Variants in CACNA2D2 observed in about 807,000 individuals in gnomAD.
CACNA2D2 encodes the protein calcium voltage-gated channel auxiliary subunit alpha2delta 2.
In CACNA2D2, 48 loss-of-function variants were observed where a neutral mutation model predicts 166.4. That is an observed-to-expected ratio of 0.29 (90% CI 0.23 to 0.37). The LOEUF is 0.37. Among genes scored for constraint, CACNA2D2 ranks in the 10% least tolerant of loss-of-function variants. The pLI is 1.00. For missense variants in CACNA2D2, 1,122 were observed against 1,433.0 expected, an observed-to-expected ratio of 0.78 and a Z score of 3.50; for synonymous variants, 561 against 573.7, an observed-to-expected ratio of 0.98 and a Z score of 0.32.
At chr3:50,476,638 G>A (rs1303371171) in intron 1 of CACNA2D2, among the ~76,000 whole-genome samples, 2 of 152,242 alleles carry the variant, frequency 1.3e-5, no homozygotes, top group Non-Finnish European at 2.9e-5. Context: ...GGGGCCTAGA[G>A]AAGGGGACGG....
In CACNA2D2 at chr3:50,366,947, T is replaced by A. The variant is rs753533293; in HGVS notation, c.2501-28A>T. ...TTGGGGGAGAGCAAGGGACCATCAG[T>A]GCTACCTGCCCAGGCAGTACCCTGT... On this transcript the variant is annotated intron_variant, in intron 28 of 37. Transcript: ENST00000424201. This position sits in a 1 kb window ranked among gnomAD's most constrained non-coding sequence, Gnocchi z 5.9. The A allele has an allele frequency of 3.1e-6, 5 of 1,613,400 alleles. No homozygotes were observed. The highest frequency in any genetic ancestry group is 4.2e-6 in the Non-Finnish European group (5 of 1,179,660).
Position 50,379,251 on chromosome 3 carries a change from G to A in CACNA2D2, c.1153-52C>T, listed in dbSNP as rs746661890. ...AGCTCTCAGCCCTCCCTGGTCCAGG[G>A]GCAGGGCCTCCCTCCCGCAGTGGGC... On this transcript the variant is annotated intron_variant, in intron 11 of 37. Transcript: ENST00000424201. The surrounding 1 kb of genome is among the most constrained non-coding windows in gnomAD (Gnocchi z 6.5). 3 of 1,526,530 alleles carry A rather than the reference G, an allele frequency of 2.0e-6. No homozygotes were observed. The highest frequency in any genetic ancestry group is 2.3e-5 in the South Asian group (2 of 88,874). The allele number at this position is 1,526,530 out of a possible 1,614,324, so 94.6% of individuals were successfully genotyped here.
At chr3:50,408,860 G>A (rs1047391242) in intron 3 of CACNA2D2, among the ~76,000 whole-genome samples, 4 of 152,260 alleles carry the variant, frequency 2.6e-5, no homozygotes, top group Admixed American at 2.6e-4. Flanking sequence ...ACTGGAGAGG[G>A]CAGGACAGCA....
In CACNA2D2 at chr3:50,380,933, T is replaced by A; in HGVS notation, c.784+62A>T. On this transcript the variant is annotated intron_variant, in intron 7 of 37. Coordinates refer to ENST00000424201, the MANE Select transcript of CACNA2D2 (RefSeq NM_006030.4). This position sits in a 1 kb window ranked among gnomAD's most constrained non-coding sequence, Gnocchi z 4.9. ...CCCCGCCCCATGCCCCCAGGATGGG[T>A]GGGCTGGTAGATGGAGAAAGGCGAG... is the stretch of plus-strand genomic sequence containing the variant. 2 of 1,595,598 alleles carry A rather than the reference T, an allele frequency of 1.3e-6. No homozygotes were observed. The highest frequency in any genetic ancestry group is 1.7e-6 in the Non-Finnish European group (2 of 1,168,236).
intron 3 of CACNA2D2, among the ~76,000 whole-genome samples, chr3:50,432,029 T>C (rs1052739267): frequency 6.6e-6 from 1 of 151,416 alleles, no homozygotes; most frequent in Non-Finnish European, 1.5e-5. Context: ...TAATTTCTGT[T>C]TAGTGCCGAC....
intron 4 of CACNA2D2, among the ~76,000 whole-genome samples, chr3:50,390,432 GGGGTAGGGCCAACTCTGCCCATGAGT>G (rs1319929039): frequency 2.6e-5 from 4 of 152,158 alleles, no homozygotes; most frequent in Non-Finnish European, 5.9e-5. Flanking sequence ...GGCCTCCCCA[GGGGTAGGGCCAACTCTGCCCATGAGT>G]GGCCACCTTC....
At chr3:50,438,599 C>T (rs1277916805) in intron 2 of CACNA2D2, among the ~76,000 whole-genome samples, 1 of 152,216 alleles carries the variant, frequency 6.6e-6, no homozygotes, top group Non-Finnish European at 1.5e-5. Context: ...GCCTCGTTCC[C>T]ACAGCTCCTA....
chr3:50,378,236 C>A, intron 14 of CACNA2D2, 48 bp downstream of exon 14: 1 of 1,556,352 alleles, frequency 6.4e-7, no homozygotes, highest in Non-Finnish European at 8.7e-7. Context: ...ACACAGCGTC[C>A]CTGCAGGGAA....
chr3:50,402,342 C>T (rs1706487450), intron 3 of CACNA2D2, among the ~76,000 whole-genome samples: 1 of 152,158 alleles, frequency 6.6e-6, no homozygotes, highest in African/African-American at 2.4e-5. Context: ...TACTCTGCAG[C>T]AGCAGGCTGA....
At chr3:50,476,899 C>A (rs1301724133) in intron 1 of CACNA2D2, among the ~76,000 whole-genome samples, 2 of 152,002 alleles carry the variant, frequency 1.3e-5, no homozygotes. Flanking sequence ...CACACTGGTA[C>A]CACCCTGGGA....
chr3:50,394,397 G>A (rs1266185500), intron 3 of CACNA2D2, among the ~76,000 whole-genome samples: 4 of 152,184 alleles, frequency 2.6e-5, no homozygotes, highest in Non-Finnish European at 4.4e-5. Context: ...TGAAGCCTGT[G>A]CAGTGACCCC....
At position 50,364,381 on chromosome 3, in the gene CACNA2D2, G is replaced by A. The variant is rs935071735; in HGVS notation, c.*285C>T. On this transcript the variant is annotated 3_prime_UTR_variant, in exon 38 of 38. Transcript: ENST00000424201. ...AGGCCTGGTTTTGGCACCAGTGCGTGTGGCCTCCCTGTCCCATCCCACTGG... is the reference window on the plus strand; with the variant it reads ...AGGCCTGGTTTTGGCACCAGTGCGTATGGCCTCCCTGTCCCATCCCACTGG... 1.4e-5 allele frequency: 6 copies of A among 423,316 alleles called. No homozygotes were observed. Among genetic ancestry groups the A allele is most frequent in the Non-Finnish European group, 2.1e-5 (5 of 239,390 alleles). The allele number at this position is 423,316 out of a possible 1,614,324, so 26.2% of individuals were successfully genotyped here.
In CACNA2D2 at chr3:50,379,625, C is replaced by T; in HGVS notation, c.994-35G>A. On this transcript the variant is annotated intron_variant, in intron 10 of 37. Coordinates refer to ENST00000424201, the MANE Select transcript of CACNA2D2 (RefSeq NM_006030.4). This position sits in a 1 kb window ranked among gnomAD's most constrained non-coding sequence, Gnocchi z 6.5. Reference sequence around the variant, plus strand: ...CAGTAGGGTGGTGAGTGGCCTCAGGCTGGCCGGGGTAGGCAGCTATTGCAT... The same window carrying T: ...CAGTAGGGTGGTGAGTGGCCTCAGGTTGGCCGGGGTAGGCAGCTATTGCAT... The T allele has an allele frequency of 1.2e-6, 2 of 1,612,782 alleles. No homozygotes were observed. The highest frequency in any genetic ancestry group is 8.5e-7 in the Non-Finnish European group (1 of 1,179,224).
intron 2 of CACNA2D2, among the ~76,000 whole-genome samples, chr3:50,443,176 G>C (rs1283692627): frequency 6.6e-6 from 1 of 152,242 alleles, no homozygotes; most frequent in Non-Finnish European, 1.5e-5. Flanking sequence ...CCAACTCACA[G>C]AAGTCGCCGG....
intron 2 of CACNA2D2, among the ~76,000 whole-genome samples, chr3:50,443,807 A>G (rs2106928902): frequency 6.6e-6 from 1 of 152,220 alleles, no homozygotes; most frequent in East Asian, 1.9e-4. Flanking sequence ...CCCACCTCTC[A>G]GGACTCAGGG....
intron 3 of CACNA2D2, among the ~76,000 whole-genome samples, chr3:50,417,334 T>C (rs1184208374): frequency 1.3e-5 from 2 of 152,206 alleles, no homozygotes; most frequent in East Asian, 3.8e-4. Context: ...CCCAACCACA[T>C]GACAACCCCC....
At chr3:50,451,070 C>T (rs1017306657) in intron 2 of CACNA2D2, among the ~76,000 whole-genome samples, 2 of 152,184 alleles carry the variant, frequency 1.3e-5, no homozygotes, top group East Asian at 1.9e-4. Context: ...GCCCTTAGTG[C>T]CCCCTCCATG....
At chr3:50,437,561 T>C (rs1350387355) in intron 2 of CACNA2D2, among the ~76,000 whole-genome samples, 1 of 152,108 alleles carries the variant, frequency 6.6e-6, no homozygotes, top group African/African-American at 2.4e-5. Context: ...CTGAACTTGC[T>C]CCAATTGTTC....
chr3:50,468,636 G>C (rs1199965462), intron 2 of CACNA2D2, among the ~76,000 whole-genome samples: 3 of 151,964 alleles, frequency 2.0e-5, no homozygotes, highest in East Asian at 3.9e-4. Context: ...CTGAGGGACA[G>C]AGAACCCAGG....
Sources: allele counts gnomAD v4.1 joint callset (sites outside exome capture counted in the v4.1 genomes callset), GRCh38; gene constraint gnomAD v4.1.1; non-coding constraint Gnocchi (gnomAD v3.1); transcripts MANE v1.5; gene names NCBI Gene and HGNC (gene_info 2026-07-23, HGNC 2026-07-21).